DIAPH2: variants seen among roughly 807,000 people sequenced by gnomAD.
DIAPH2 encodes the protein protein diaphanous homolog 2.
DIAPH2 carries 35 observed loss-of-function variants against 92.7 expected under a neutral mutation model. The observed-to-expected ratio is 0.38, with a 90% confidence interval of 0.29 to 0.50. The LOEUF (loss-of-function observed/expected upper bound fraction) is 0.50. Ranked by LOEUF, DIAPH2 falls within the 20% of genes least tolerant of loss-of-function variation. DIAPH2 has a pLI of 0.94. For synonymous variants in DIAPH2, 301 were observed against 280.4 expected (o/e 1.07, Z -0.73); for missense variants, 701 against 819.5 (o/e 0.86, Z 1.77).
At chrX:97,011,018 T>C (rs748754643) in intron 17 of DIAPH2, among the ~76,000 whole-genome samples, 30 of 112,272 alleles carry the variant, frequency 2.7e-4, no homozygotes, top group Middle Eastern at 4.6e-3. Flanking sequence ...ATATTATTCA[T>C]GATCATGATG....
intron 19 of DIAPH2, among the ~76,000 whole-genome samples, chrX:97,090,018 G>C (rs776123800): frequency 8.9e-6 from 1 of 112,395 alleles, no homozygotes; most frequent in South Asian, 3.6e-4. Context: ...GTGAGCCACC[G>C]GGCCCAGCCC....
intron 3 of DIAPH2, among the ~76,000 whole-genome samples, chrX:96,753,104 C>G: frequency 8.9e-6 from 1 of 111,919 alleles, no homozygotes; most frequent in East Asian, 2.8e-4. Context: ...GGTGACGCCA[C>G]CACACTCTTA....
intron 22 of DIAPH2, among the ~76,000 whole-genome samples, chrX:97,243,684 A>T (rs1185407018): frequency 9.0e-6 from 1 of 111,322 alleles, no homozygotes; most frequent in Admixed American, 9.6e-5. Flanking sequence ...TTTTTACTTT[A>T]TCCGCTTTCC....
chrX:97,055,538 T>A (rs773779041), intron 17 of DIAPH2, among the ~76,000 whole-genome samples: 4 of 111,321 alleles, frequency 3.6e-5, no homozygotes, highest in African/African-American at 1.3e-4. Context: ...GTGGAAGAGA[T>A]AAGAGTTGGA....
At chrX:96,973,757 G>A (rs1376574529) in intron 17 of DIAPH2, among the ~76,000 whole-genome samples, 4 of 99,616 alleles carry the variant, frequency 4.0e-5, no homozygotes, top group Non-Finnish European at 8.0e-5. Flanking sequence ...GTGCAATGGC[G>A]TGATCTCAGC....
At chrX:97,070,548 A>T (rs1478284740) in intron 17 of DIAPH2, among the ~76,000 whole-genome samples, 1 of 111,632 alleles carries the variant, frequency 9.0e-6, no homozygotes, top group Non-Finnish European at 1.9e-5. Context: ...TGTGGTCATG[A>T]TCCCTAAGGA....
chrX:96,994,367 C>T (rs962246586), intron 17 of DIAPH2, among the ~76,000 whole-genome samples: 1 of 111,436 alleles, frequency 9.0e-6, no homozygotes, highest in Non-Finnish European at 1.9e-5. Context: ...CTACTTACTG[C>T]GATGAGGATG....
In DIAPH2 at chrX:97,521,777, C is replaced by T. The variant is rs1348745166; in HGVS notation, c.3242-77476C>T. ...GGGGAACTGTGAATCAATTAAACCTCTTTTCTTTATAAATTACCCAGTCTT... is the reference window on the plus strand; with the variant it reads ...GGGGAACTGTGAATCAATTAAACCTTTTTTCTTTATAAATTACCCAGTCTT... On this transcript the variant is annotated intron_variant, in intron 26 of 26. Coordinates refer to ENST00000324765, the MANE Select transcript of DIAPH2 (RefSeq NM_006729.5). Among the ~76,000 whole-genome samples the T allele has an allele frequency of 2.7e-5, 3 of 111,903 alleles. No homozygotes were observed. The East Asian group carries it at 8.4e-4, about 31-fold the overall frequency.
intron 19 of DIAPH2, among the ~76,000 whole-genome samples, chrX:97,096,328 A>G (rs1277190308): frequency 8.9e-6 from 1 of 112,170 alleles, no homozygotes; most frequent in Non-Finnish European, 1.9e-5. Context: ...TTGGGGCAAT[A>G]TGAATCTAAC....
intron 26 of DIAPH2, among the ~76,000 whole-genome samples, chrX:97,522,801 C>G (rs2071000027): frequency 8.9e-6 from 1 of 112,351 alleles, no homozygotes; most frequent in Non-Finnish European, 1.9e-5. Context: ...ACCTCCTGCC[C>G]ATGAACACTT....
chrX:97,311,315 A>G (rs2068791814), intron 23 of DIAPH2, among the ~76,000 whole-genome samples: 1 of 112,071 alleles, frequency 8.9e-6, no homozygotes. Flanking sequence ...GTAAATGCCC[A>G]GTGGGTTCAC....
At chrX:97,377,971 C>CA (rs1169769456) in intron 24 of DIAPH2, among the ~76,000 whole-genome samples, 20 of 99,991 alleles carry the variant, frequency 2.0e-4, no homozygotes, top group African/African-American at 2.6e-4. Context: ...CAGTGTCTAG[C>CA]AAAAAAAAAC....
chrX:97,583,195 A>C (rs1395180087), intron 26 of DIAPH2, among the ~76,000 whole-genome samples: 1 of 112,121 alleles, frequency 8.9e-6, no homozygotes, highest in African/African-American at 3.2e-5. Flanking sequence ...TTCTCTGTCC[A>C]GCTTTGTTCT....
At chrX:97,469,923 A>T (rs1180741375) in intron 26 of DIAPH2, 12 of 728,920 alleles carry the variant, frequency 1.6e-5, no homozygotes, top group Non-Finnish European at 2.2e-5. Context: ...CGATTTCATG[A>T]TGGTTAACCA....
intron 4 of DIAPH2, among the ~76,000 whole-genome samples, chrX:96,877,387 G>T (rs1569418163): frequency 9.0e-6 from 1 of 111,531 alleles, no homozygotes; most frequent in Non-Finnish European, 1.9e-5. Context: ...ACTTCATTAG[G>T]GTTTGTAAAT....
chrX:96,945,551 T>C lies in DIAPH2; in HGVS notation c.1469T>C (p.Val490Ala), dbSNP rs776900507. 8.6e-7 allele frequency: 1 copy of C among 1,159,056 alleles called. No homozygotes were observed. The highest frequency in any genetic ancestry group is 1.1e-6 in the Non-Finnish European group (1 of 876,343). ...LIDSCVNKAK[V>A]EESEQKAAEF... ...GATTCTTGTGTGAACAAGGCGAAAG[T>C]TGAAGAAAGTGAACAAAAAGCTGCA... Residue 490 changes from valine to alanine, a missense_variant, in exon 14 of 27, where the codon GTT becomes GCT. Around this residue, in one of 3 missense-constraint regions of DIAPH2, gnomAD observed 536 missense variants for 599.3 expected, o/e 0.89. Transcript: ENST00000324765.
chrX:97,021,606 C>T (rs1023048493), intron 17 of DIAPH2, among the ~76,000 whole-genome samples: 11 of 109,555 alleles, frequency 1.0e-4, no homozygotes, highest in South Asian at 4.0e-4. Context: ...ATGTGAATGA[C>T]GTAAAGGTGT....
At chrX:97,033,621 A>G (rs960590192) in intron 17 of DIAPH2, among the ~76,000 whole-genome samples, 2 of 112,171 alleles carry the variant, frequency 1.8e-5, no homozygotes, top group African/African-American at 6.4e-5. Context: ...TTCTTTAAAG[A>G]TGTTTGAAAG....
At chrX:96,787,930 G>A (rs1187456735) in intron 4 of DIAPH2, among the ~76,000 whole-genome samples, 2 of 105,791 alleles carry the variant, frequency 1.9e-5, no homozygotes, top group East Asian at 2.9e-4. Flanking sequence ...GGCTGGTCTC[G>A]AACTCCTGAC....
Sources: allele counts gnomAD v4.1 joint callset (sites outside exome capture counted in the v4.1 genomes callset), GRCh38; gene constraint gnomAD v4.1.1; regional missense constraint gnomAD v4.1.1; transcripts MANE v1.5; gene names NCBI Gene and HGNC (gene_info 2026-07-23, HGNC 2026-07-21).